CADPS: variants seen among roughly 807,000 people sequenced by gnomAD.
The protein encoded by CADPS is calcium dependent secretion activator.
CADPS carries 57 observed loss-of-function variants against 167.3 expected under a neutral mutation model. The ratio of observed to expected loss-of-function variants is 0.34; its 90% CI spans 0.28 to 0.42. CADPS has a LOEUF of 0.42. Ranked by LOEUF, CADPS falls within the 20% of genes least tolerant of loss-of-function variation. CADPS has a pLI of 1.00. For missense variants in CADPS, 1,414 were observed against 1,738.1 expected (o/e 0.81, Z 3.32); for synonymous variants, 676 against 635.3 (o/e 1.06, Z -0.96).
At chr3:62,592,554 C>T in intron 7 of CADPS, 83 bp downstream of exon 7, 3 of 994,904 alleles carry the variant, frequency 3.0e-6, no homozygotes, top group Non-Finnish European at 4.7e-6. Context: ...CTTGGCAATG[C>T]TGCCTCTTGG....
In CADPS at chr3:62,493,656, C is replaced by T. The variant is rs374261190; in HGVS notation, c.2716G>A (p.Asp906Asn). Reference protein sequence around the residue: ...NEEHHAEPHVDKGEAFAWWSD... With the variant: ...NEEHHAEPHVNKGEAFAWWSD... Reference sequence around the variant, plus strand: ...TTCACTTTACTTACTTCTCCTTTATCAACATGTGGCTGGTTTGCAAATTAA... The same window carrying T: ...TTCACTTTACTTACTTCTCCTTTATTAACATGTGGCTGGTTTGCAAATTAA... Residue 906 changes from aspartate to asparagine, a missense_variant, in exon 19 of 30, where the codon GAT becomes AAT. Around this residue, in one of 6 missense-constraint regions of CADPS, gnomAD observed 529 missense variants for 629.6 expected, o/e 0.84. Transcript: ENST00000383710. The T allele has an allele frequency of 1.9e-6, 3 of 1,555,644 alleles. No homozygotes were observed. The highest frequency in any genetic ancestry group is 1.7e-6 in the Non-Finnish European group (2 of 1,148,428).
chr3:62,493,341 T>TG (rs1169673522), intron 19 of CADPS, among the ~76,000 whole-genome samples: 21 of 152,258 alleles, frequency 1.4e-4, no homozygotes, highest in Admixed American at 1.2e-3. Flanking sequence ...GGCCCTGTTT[T>TG]GCCGATTTCA....
intron 3 of CADPS, among the ~76,000 whole-genome samples, chr3:62,692,680 G>A (rs551300817): frequency 6.6e-6 from 1 of 152,106 alleles, no homozygotes; most frequent in African/African-American, 2.4e-5. Flanking sequence ...ATCATTACCT[G>A]CCAAGATGGT....
chr3:62,714,863 A>G (rs888307212), intron 3 of CADPS, among the ~76,000 whole-genome samples: 6 of 152,200 alleles, frequency 3.9e-5, no homozygotes, highest in African/African-American at 7.2e-5. Flanking sequence ...GAGGCTCGAG[A>G]GAGATAGTAC....
chr3:62,460,565 C>T (rs2059217682), intron 26 of CADPS, among the ~76,000 whole-genome samples: 1 of 152,192 alleles, frequency 6.6e-6, no homozygotes, highest in African/African-American at 2.4e-5. Context: ...CAGACTGCCT[C>T]TTAACAAAAA....
chr3:62,677,088 A>G lies in CADPS; in HGVS notation c.889-14694T>C, dbSNP rs1356557950. ...GAGAACAGCCAAGGGTTGGAGCTATACCTCCCTCTGCAAACCCCTCTAGAG... is the reference window on the plus strand; with the variant it reads ...GAGAACAGCCAAGGGTTGGAGCTATGCCTCCCTCTGCAAACCCCTCTAGAG... On this transcript the variant is annotated intron_variant, in intron 3 of 29. Coordinates refer to ENST00000383710, the MANE Select transcript of CADPS (RefSeq NM_003716.4). Among the ~76,000 whole-genome samples, 5 of 152,062 alleles carry G rather than the reference A, an allele frequency of 3.3e-5. No homozygotes were observed. The East Asian group carries it at 9.6e-4, about 29-fold the overall frequency.
chr3:62,660,343 T>A (rs1021155929), intron 4 of CADPS, among the ~76,000 whole-genome samples: 1 of 152,190 alleles, frequency 6.6e-6, no homozygotes, highest in Non-Finnish European at 1.5e-5. Flanking sequence ...AATCCACCAG[T>A]AGGAAACATT....
chr3:62,451,258 T>C lies in CADPS; in HGVS notation c.3637-5461A>G, dbSNP rs543870284. ...TCAGGTGCCCAAGGTAATCTTTTCA[T>C]TGAGCACTCACCATTCTGGGGTTTT... is the stretch of plus-strand genomic sequence containing the variant. On this transcript the variant is annotated intron_variant, in intron 26 of 29. Coordinates refer to ENST00000383710, the MANE Select transcript of CADPS (RefSeq NM_003716.4). Among the ~76,000 whole-genome samples the C allele has an allele frequency of 3.3e-4, 50 of 152,266 alleles. No homozygotes were observed. The South Asian group carries it at 0.01, about 31-fold the overall frequency.
Position 62,481,870 on chromosome 3 carries a change from C to CT in CADPS, c.3027-2dup, listed in dbSNP as rs752166990. 1.9e-6 allele frequency: 3 copies of CT among 1,605,610 alleles called. No homozygotes were observed. The Admixed American group carries it at 5.1e-5, about 28-fold the overall frequency. The stretch of plus-strand genomic sequence containing the variant: ...ATTGGGTAGGTTACTGGTTAAACTC[C>CT]TGTGGAAGAAACAGACAGAAAGAAA... On this transcript the variant is annotated splice_acceptor_variant, in intron 21 of 29. Coordinates refer to ENST00000383710, the MANE Select transcript of CADPS (RefSeq NM_003716.4). LOFTEE classifies it high-confidence loss of function.
At chr3:62,809,209 G>C (rs1426941142) in intron 1 of CADPS, among the ~76,000 whole-genome samples, 1 of 152,018 alleles carries the variant, frequency 6.6e-6, no homozygotes, top group Non-Finnish European at 1.5e-5. Context: ...AGATGTTAGT[G>C]ATCTTTAAAA....
intron 3 of CADPS, among the ~76,000 whole-genome samples, chr3:62,720,754 C>T (rs1017421812): frequency 1.3e-4 from 19 of 151,504 alleles, no homozygotes; most frequent in African/African-American, 4.6e-4. Flanking sequence ...TTCTGCTTTA[C>T]TTCAAAGCCC....
chr3:62,487,041 C>T (rs1402085643), intron 21 of CADPS, among the ~76,000 whole-genome samples: 4 of 152,194 alleles, frequency 2.6e-5, no homozygotes, highest in Non-Finnish European at 5.9e-5. Context: ...ACTTTTGCCC[C>T]ATCCTTGTTT....
chr3:62,516,730 T>G, intron 14 of CADPS, 87 bp from the exon 15 acceptor site: 1 of 914,094 alleles, frequency 1.1e-6, no homozygotes, highest in African/African-American at 1.7e-5. Flanking sequence ...AGCAACTCTC[T>G]CTGAGGAATG....
At chr3:62,819,173 G>T (rs138353247) in intron 1 of CADPS, among the ~76,000 whole-genome samples, 14 of 152,136 alleles carry the variant, frequency 9.2e-5, no homozygotes, top group African/African-American at 3.1e-4. Flanking sequence ...TTGTTTGAAT[G>T]GATGTAAATT....
chr3:62,501,363 A>T (rs2065740625), intron 17 of CADPS, among the ~76,000 whole-genome samples: 1 of 152,214 alleles, frequency 6.6e-6, no homozygotes, highest in African/African-American at 2.4e-5. Context: ...CATACTGTGT[A>T]TATATTTTTG....
intron 3 of CADPS, among the ~76,000 whole-genome samples, chr3:62,700,137 T>C (rs2081126939): frequency 6.6e-6 from 1 of 152,126 alleles, no homozygotes; most frequent in Admixed American, 6.6e-5. Context: ...GAGGAGTGGC[T>C]TTCAAACTTT....
rs745400126 is a variant in CADPS at position 62,874,784 on chromosome 3, G to C, written c.246C>G (p.Ser82Arg). The C allele has an allele frequency of 7.1e-7, 1 of 1,412,722 alleles. No individual in the cohort carries two copies. Among genetic ancestry groups the C allele is most frequent in the Non-Finnish European group, 9.6e-7 (1 of 1,044,530 alleles). The allele number at this position is 1,412,722 out of a possible 1,614,324, so 87.5% of individuals were successfully genotyped here. Residue 82 changes from serine to arginine, a missense_variant, in exon 1 of 30, where the codon AGC becomes AGG. Physicochemically the swap from Ser to Arg is moderately radical, Grantham distance 110. Around this residue, in one of 6 missense-constraint regions of CADPS, gnomAD observed 522 missense variants for 559.5 expected, o/e 0.93. Coordinates refer to ENST00000383710, the MANE Select transcript of CADPS (RefSeq NM_003716.4). This position sits in a 1 kb window ranked among gnomAD's most constrained non-coding sequence, Gnocchi z 7.1. The part of the protein sequence containing the change: ...GGGAGGLQPS[S>R]RAGGGRPSSP... ...TGGAGGGCCGGCCGCCGCCAGCGCG[G>C]CTGCTGGGTTGCAGCCCCCCGGCCC...
intron 6 of CADPS, among the ~76,000 whole-genome samples, chr3:62,608,080 C>T (rs2060939299): frequency 6.6e-6 from 1 of 152,116 alleles, no homozygotes; most frequent in African/African-American, 2.4e-5. Flanking sequence ...GGTATATTGA[C>T]ACTATCACAG....
At chr3:62,658,743 T>G (rs1046412091) in intron 4 of CADPS, among the ~76,000 whole-genome samples, 2 of 152,106 alleles carry the variant, frequency 1.3e-5, no homozygotes, top group Non-Finnish European at 2.9e-5. Flanking sequence ...AAATGATATA[T>G]CCCCAGCATC....
Sources: allele counts gnomAD v4.1 joint callset (sites outside exome capture counted in the v4.1 genomes callset), GRCh38; gene constraint gnomAD v4.1.1; regional missense constraint gnomAD v4.1.1; non-coding constraint Gnocchi (gnomAD v3.1); transcripts MANE v1.5; gene names NCBI Gene and HGNC (gene_info 2026-07-23, HGNC 2026-07-21).